SDK2: variants seen among roughly 807,000 people sequenced by gnomAD.
The protein encoded by SDK2 is sidekick cell adhesion molecule 2.
In SDK2, 105 loss-of-function variants were observed where a neutral mutation model predicts 253.9. That is an observed-to-expected ratio of 0.41 (90% confidence interval 0.35 to 0.49). The LOEUF is 0.49. SDK2 is among the 20% of genes least tolerant of loss of function. The pLI is 0.06. For missense variants in SDK2, 2,608 were observed against 3,003.0 expected (o/e 0.87, Z 3.07); for synonymous variants, 1,249 against 1,234.9 (o/e 1.01, Z -0.24).
rs918395667 is a variant in SDK2, at chr17:73,465,826, C to T, written c.331+6286G>A. On this transcript the variant is annotated intron_variant, in intron 3 of 44. Transcript: ENST00000392650. This position sits in a 1 kb window ranked among gnomAD's most constrained non-coding sequence, Gnocchi z 4.2. Reference sequence around the variant, plus strand: ...GATAGGAGAACTGGCTGCTTAGGGCCCCAGGACAAGCCCTTGTCACCCCAG... The same window carrying T: ...GATAGGAGAACTGGCTGCTTAGGGCTCCAGGACAAGCCCTTGTCACCCCAG... Among the ~76,000 whole-genome samples, 1 of 152,078 alleles carries T rather than the reference C, an allele frequency of 6.6e-6. No homozygotes were observed. Among genetic ancestry groups the T allele is most frequent in the Non-Finnish European group, 1.5e-5 (1 of 68,012 alleles).
intron 4 of SDK2, among the ~76,000 whole-genome samples, chr17:73,450,250 TCA>T (rs1399050279): frequency 1.3e-5 from 2 of 152,194 alleles, no homozygotes; most frequent in African/African-American, 2.4e-5. Context: ...TTGCTGGGCC[TCA>T]GTTTCCTCCT....
chr17:73,551,673 T>C (rs973332945), intron 1 of SDK2, among the ~76,000 whole-genome samples: 3 of 152,182 alleles, frequency 2.0e-5, no homozygotes, highest in Admixed American at 6.5e-5. Context: ...CAACACACTG[T>C]TTGCTATGGA....
chr17:73,507,411 G>A (rs1485719674), intron 2 of SDK2, 27 bp downstream of exon 2: 2 of 1,542,532 alleles, frequency 1.3e-6, no homozygotes, highest in South Asian at 2.4e-5. Context: ...TGGCAGCCAG[G>A]AGGAAGGGCG....
intron 24 of SDK2, among the ~76,000 whole-genome samples, chr17:73,397,036 A>C (rs2062976805): frequency 6.6e-6 from 1 of 152,198 alleles, no homozygotes; most frequent in South Asian, 2.1e-4. Flanking sequence ...ATGACTTCAC[A>C]GTGTGGTGTG....
rs2063975989 is a variant in SDK2 at position 73,511,022 on chromosome 17, T to C, written c.65-3425A>G. Among the ~76,000 whole-genome samples the C allele has an allele frequency of 6.6e-6, 1 of 152,128 alleles. No homozygotes were observed. Among genetic ancestry groups the C allele is most frequent in the South Asian group, 2.1e-4 (1 of 4,822 alleles). On this transcript the variant is annotated intron_variant, in intron 1 of 44. Transcript: ENST00000392650. The surrounding 1 kb of genome is among the most constrained non-coding windows in gnomAD (Gnocchi z 4.9). ...GTGCTAGGGAGGATGGAGAGGCTGATGGGCACCCATTTGCCAAGGAAAAGG... is the reference window on the plus strand; with the variant it reads ...GTGCTAGGGAGGATGGAGAGGCTGACGGGCACCCATTTGCCAAGGAAAAGG...
intron 1 of SDK2, among the ~76,000 whole-genome samples, chr17:73,585,525 C>A (rs2045591875): frequency 6.6e-6 from 1 of 152,218 alleles, no homozygotes. Flanking sequence ...CTCTGAATAG[C>A]ACCTACTAAC....
At chr17:73,613,687 G>A (rs1165887336) in intron 1 of SDK2, among the ~76,000 whole-genome samples, 4 of 147,712 alleles carry the variant, frequency 2.7e-5, no homozygotes, top group African/African-American at 1.0e-4. Flanking sequence ...CCATCCAGTG[G>A]CACGTAGGGC....
intron 30 of SDK2, among the ~76,000 whole-genome samples, chr17:73,387,419 C>T (rs1382326193): frequency 1.3e-5 from 2 of 152,222 alleles, no homozygotes; most frequent in Middle Eastern, 3.4e-3. Flanking sequence ...TCAAAACTCC[C>T]GGTCACATCA....
chr17:73,549,421 G>A (rs1050693320), intron 1 of SDK2, among the ~76,000 whole-genome samples: 10 of 152,086 alleles, frequency 6.6e-5, no homozygotes, highest in South Asian at 4.1e-4. Flanking sequence ...GATTTGATCC[G>A]TCATCCATTC....
chr17:73,483,119 A>G (rs1292110711), intron 2 of SDK2, among the ~76,000 whole-genome samples: 1 of 151,614 alleles, frequency 6.6e-6, no homozygotes, highest in Non-Finnish European at 1.5e-5. Context: ...GGCCCTCAAG[A>G]CTGCTCTGCG....
In SDK2 at chr17:73,530,905, C is replaced by G. The variant is rs375020259; in HGVS notation, c.65-23308G>C. On this transcript the variant is annotated intron_variant, in intron 1 of 44. Transcript: ENST00000392650. ...GTTCTCTGACAAGGGGCATAAGACT[C>G]TCCCTAATCACCAGCCCTAGGGAGG... is the stretch of plus-strand genomic sequence containing the variant. Among the ~76,000 whole-genome samples, 13 of 152,298 alleles carry G rather than the reference C, an allele frequency of 8.5e-5. No homozygotes were observed. In the East Asian group the frequency reaches 2.1e-3, roughly 25 times the overall value.
intron 2 of SDK2, among the ~76,000 whole-genome samples, chr17:73,505,336 T>A (rs1389692686): frequency 6.6e-6 from 1 of 152,218 alleles, no homozygotes; most frequent in Non-Finnish European, 1.5e-5. Context: ...AGTGTGTTTA[T>A]CTGTAAAATG....
At chr17:73,399,371 G>A in intron 21 of SDK2, 82 bp from the exon 22 acceptor site, 2 of 1,434,754 alleles carry the variant, frequency 1.4e-6, no homozygotes, top group Middle Eastern at 1.8e-4. Flanking sequence ...GCATGGAGGG[G>A]GCTGTGTGTC....
At position 73,467,441 on chromosome 17, in the gene SDK2, G is replaced by A. The variant is rs1400251206; in HGVS notation, c.331+4671C>T. Among the ~76,000 whole-genome samples the A allele has an allele frequency of 1.3e-5, 2 of 152,098 alleles. No individual in the cohort carries two copies. Among genetic ancestry groups the A allele is most frequent in the African/African-American group, 2.4e-5 (1 of 41,422 alleles). On this transcript the variant is annotated intron_variant, in intron 3 of 44. Transcript: ENST00000392650. The surrounding 1 kb of genome is among the most constrained non-coding windows in gnomAD (Gnocchi z 4.1). ...GGACTTGCACTCTGCAGGCTGGGAC[G>A]AGAACCACTGTGCCCTTCCCAGCAC...
At position 73,431,807 on chromosome 17, in the gene SDK2, G is replaced by A. The variant is rs373361066; in HGVS notation, c.1313-138C>T. The A allele has an allele frequency of 6.4e-5, 60 of 934,092 alleles. No homozygotes were observed. The East Asian group carries it at 1.3e-3, about 20-fold the overall frequency. 57.9% of individuals were successfully genotyped at this position (934,092 alleles called of 1,614,324 possible). A position where few individuals can be genotyped will look rare whatever the true frequency, so the allele number is the denominator to read the frequency against. On this transcript the variant is annotated intron_variant, in intron 10 of 44. Transcript: ENST00000392650. This position sits in a 1 kb window ranked among gnomAD's most constrained non-coding sequence, Gnocchi z 5.6. The stretch of plus-strand genomic sequence containing the variant: ...GCTGGAAGGAATGAGGACAGATGGC[G>A]GTGGGGCTGGGGTGGGGGCTGAGAG...
intron 32 of SDK2, among the ~76,000 whole-genome samples, chr17:73,384,507 C>T (rs1038598950): frequency 2.0e-5 from 3 of 152,164 alleles, no homozygotes; most frequent in African/African-American, 7.2e-5. Context: ...TGCCCCTCAC[C>T]CCTTCATCAA....
At chr17:73,485,719 C>T (rs2063765593) in intron 2 of SDK2, among the ~76,000 whole-genome samples, 2 of 152,210 alleles carry the variant, frequency 1.3e-5, no homozygotes, top group Non-Finnish European at 2.9e-5. Flanking sequence ...ATTCAAATTT[C>T]TGTATCCATA....
At chr17:73,378,654 A>G (rs2062804451) in intron 36 of SDK2, among the ~76,000 whole-genome samples, 2 of 152,108 alleles carry the variant, frequency 1.3e-5, no homozygotes, top group Admixed American at 1.3e-4. Context: ...TCCTGACCTC[A>G]GGTGATCTGC....
Position 73,443,618 on chromosome 17 carries a change from G to A in SDK2, c.614-2695C>T, listed in dbSNP as rs2063431717. Reference sequence around the variant, plus strand: ...CTCGTTGGCTCTGGAAGGAATGGAGGAGAGATGGCCATGTGCTCAGGCCCA... The same window carrying A: ...CTCGTTGGCTCTGGAAGGAATGGAGAAGAGATGGCCATGTGCTCAGGCCCA... On this transcript the variant is annotated intron_variant, in intron 5 of 44. Coordinates refer to ENST00000392650, the MANE Select transcript of SDK2 (RefSeq NM_001144952.2). The surrounding 1 kb of genome is among the most constrained non-coding windows in gnomAD (Gnocchi z 4.6). 6.6e-6 allele frequency among the ~76,000 whole-genome samples: 1 copy of A among 152,218 alleles called. No individual in the cohort carries two copies. Among genetic ancestry groups the A allele is most frequent in the African/African-American group, 2.4e-5 (1 of 41,462 alleles).
Sources: allele counts gnomAD v4.1 joint callset (sites outside exome capture counted in the v4.1 genomes callset), GRCh38; gene constraint gnomAD v4.1.1; non-coding constraint Gnocchi (gnomAD v3.1); transcripts MANE v1.5; gene names NCBI Gene and HGNC (gene_info 2026-07-23, HGNC 2026-07-21).